Variants in SLC1A7 observed in about 807,000 individuals in gnomAD.
SLC1A7 encodes the protein solute carrier family 1 member 7.
Under a neutral mutation model 47.7 loss-of-function variants are expected in SLC1A7, and 40 were observed. That is an observed-to-expected ratio of 0.84 (90% confidence interval 0.65 to 1.09). The LOEUF (loss-of-function observed/expected upper bound fraction) is 1.09. Ranked by LOEUF, SLC1A7 falls within the 50% of genes least tolerant of loss-of-function variation. The probability of loss-of-function intolerance (pLI) is 0.00; values close to 1 mark genes in which losing one functional copy is unlikely to be tolerated. For missense variants in SLC1A7, 746 were observed against 769.5 expected (o/e 0.97, Z 0.36); for synonymous variants, 323 against 325.6 (o/e 0.99, Z 0.09).
rs569362313 is a variant in SLC1A7, at chr1:53,098,652, G to A, written c.697+4694C>T. ...TCAGTACGTTCACACACACCACCTC[G>A]GTACACTCACTCTGCCTGAGTACAC... On this transcript the variant is annotated intron_variant, in intron 5 of 10. Coordinates refer to ENST00000371494, the MANE Select transcript of SLC1A7 (RefSeq NM_006671.6). Among the ~76,000 whole-genome samples, 13 of 144,130 alleles carry A rather than the reference G, an allele frequency of 9.0e-5. No homozygotes were observed. The South Asian group carries it at 1.1e-3, about 12-fold the overall frequency. The allele number at this position is 144,130 out of a possible 152,430, so 94.6% of individuals were successfully genotyped here.
chr1:53,105,534 C>T (rs1177113741), intron 4 of SLC1A7, among the ~76,000 whole-genome samples, 198 bp downstream of exon 4: 1 of 152,132 alleles, frequency 6.6e-6, no homozygotes, highest in African/African-American at 2.4e-5. Flanking sequence ...AAAACTGGAA[C>T]CCAGGACAGG....
In SLC1A7 at chr1:53,087,914, G is replaced by T. The variant is rs572180806; in HGVS notation, c.*95C>A. 8.0e-6 allele frequency: 5 copies of T among 623,444 alleles called. No individual in the cohort carries two copies. The East Asian group carries it at 1.6e-4, about 20-fold the overall frequency. The allele number at this position is 623,444 out of a possible 1,614,324, so 38.6% of individuals were successfully genotyped here. On this transcript the variant is annotated 3_prime_UTR_variant, in exon 11 of 11. Coordinates refer to ENST00000371494, the MANE Select transcript of SLC1A7 (RefSeq NM_006671.6). Reference sequence around the variant, plus strand: ...AAGGGTGAGAAGAATGTGTGATCCTGGCCCCTGCCGGCTGCTCAGGAGGGT... The same window carrying T: ...AAGGGTGAGAAGAATGTGTGATCCTTGCCCCTGCCGGCTGCTCAGGAGGGT...
intron 6 of SLC1A7, 113 bp downstream of exon 6, chr1:53,093,348 C>A: frequency 2.3e-6 from 2 of 884,568 alleles, no homozygotes; most frequent in Non-Finnish European, 3.5e-6. Context: ...CGGCCCAGGG[C>A]TGAGCCTGGG....
At chr1:53,094,703 G>GTAGACC (rs1348269372) in intron 5 of SLC1A7, among the ~76,000 whole-genome samples, 1 of 152,180 alleles carries the variant, frequency 6.6e-6, no homozygotes, top group African/African-American at 2.4e-5. Flanking sequence ...CCTGGCTGAT[G>GTAGACC]CAGACCCAGA....
chr1:53,088,808 A>T (rs1644387102), intron 10 of SLC1A7, 69 bp downstream of exon 10: 9 of 1,230,636 alleles, frequency 7.3e-6, no homozygotes, highest in Non-Finnish European at 1.1e-5. Context: ...GGTTGGTGGA[A>T]GATCTGGTGC....
chr1:53,134,438 A>G lies in SLC1A7; in HGVS notation c.136-9T>C, dbSNP rs1252183474. ...TGGAAGTAACTAATTTCCTGAAAAC[A>G]CAGTAAGAACTGGGGTTATAGCAAG... On this transcript the variant is annotated splice_polypyrimidine_tract_variant and intron_variant, in intron 1 of 10. Coordinates refer to ENST00000371494, the MANE Select transcript of SLC1A7 (RefSeq NM_006671.6). 6.3e-7 allele frequency: 1 copy of G among 1,592,160 alleles called. No individual in the cohort carries two copies. Among genetic ancestry groups the G allele is most frequent in the Non-Finnish European group, 8.6e-7 (1 of 1,161,306 alleles).
At chr1:53,097,406 A>C (rs1380673311) in intron 5 of SLC1A7, among the ~76,000 whole-genome samples, 8 of 89,222 alleles carry the variant, frequency 9.0e-5, no homozygotes, top group East Asian at 5.7e-4. Context: ...CACTCACACA[A>C]CCCACCTTGG....
intron 3 of SLC1A7, chr1:53,108,303 T>A (rs1644666464): frequency 4.8e-6 from 2 of 414,016 alleles, no homozygotes; most frequent in East Asian, 1.0e-4. Context: ...ACGGAGAACA[T>A]TTGGAAGCTC....
At chr1:53,139,108 G>C (rs59925516) in intron 1 of SLC1A7, among the ~76,000 whole-genome samples, 1 of 152,094 alleles carries the variant, frequency 6.6e-6, no homozygotes, top group African/African-American at 2.4e-5. Flanking sequence ...CTTTCTGCTC[G>C]TATGTAAGTT....
At chr1:53,096,280 G>A (rs1050664283) in intron 5 of SLC1A7, among the ~76,000 whole-genome samples, 10 of 129,134 alleles carry the variant, frequency 7.7e-5, no homozygotes, top group Admixed American at 2.4e-4. Context: ...CACACACACC[G>A]ACTCGGTACA....
intron 2 of SLC1A7, among the ~76,000 whole-genome samples, chr1:53,127,491 G>T (rs12240252): frequency 1.3e-5 from 2 of 152,042 alleles, no homozygotes; most frequent in Non-Finnish European, 2.9e-5. Flanking sequence ...GAGAAGGAAG[G>T]TTCCAGGAGA....
intron 1 of SLC1A7, among the ~76,000 whole-genome samples, chr1:53,137,504 A>G (rs972305747): frequency 7.9e-5 from 12 of 151,740 alleles, no homozygotes; most frequent in African/African-American, 2.9e-4. Flanking sequence ...GTTAGTTCTT[A>G]CTCCCTTTCT....
intron 5 of SLC1A7, among the ~76,000 whole-genome samples, chr1:53,097,501 C>T (rs1644510766): frequency 6.6e-6 from 1 of 151,146 alleles, no homozygotes; most frequent in South Asian, 2.1e-4. Context: ...ACACACCCCA[C>T]CTCGGTACAC....
intron 5 of SLC1A7, chr1:53,102,951 T>TG (rs1644600313): frequency 6.2e-6 from 1 of 161,026 alleles, no homozygotes; most frequent in African/African-American, 2.4e-5. Context: ...CCACAGGCTT[T>TG]GTGGGGTCTG....
chr1:53,094,872 G>A (rs1644467430), intron 5 of SLC1A7, among the ~76,000 whole-genome samples: 1 of 152,208 alleles, frequency 6.6e-6, no homozygotes, highest in Admixed American at 6.5e-5. Flanking sequence ...GCTCCCTCAC[G>A]GCAGGGCCAG....
chr1:53,093,490 C>G lies in SLC1A7; in HGVS notation c.768G>C (p.Ser256=). ...LVSFCQCLNE[S]VMKIVAVAVW... ...CAGCCACCGCCACGATCTTCATGAC[C>G]GACTCATTGAGGCACTGGCAGAAGC... The change falls in exon 6 of 11, where the codon TCG becomes TCC. Residue 256 remains serine, a synonymous_variant. Transcript: ENST00000371494. 6.2e-7 allele frequency: 1 copy of G among 1,611,220 alleles called. No homozygotes were observed. The highest frequency in any genetic ancestry group is 1.1e-5 in the South Asian group (1 of 90,712).
intron 2 of SLC1A7, among the ~76,000 whole-genome samples, chr1:53,122,233 G>C (rs1644834120): frequency 6.6e-6 from 1 of 152,188 alleles, no homozygotes; most frequent in African/African-American, 2.4e-5. Flanking sequence ...GTGGGTTCAA[G>C]CCCTAGTCTG....
intron 3 of SLC1A7, among the ~76,000 whole-genome samples, chr1:53,106,232 T>C (rs753277714): frequency 1.8e-4 from 27 of 152,104 alleles, no homozygotes; most frequent in Non-Finnish European, 4.0e-4. Context: ...GTTGTTCATG[T>C]CCTATCTGTG....
At chr1:53,095,895 G>A (rs1312328637) in intron 5 of SLC1A7, among the ~76,000 whole-genome samples, 5 of 135,752 alleles carry the variant, frequency 3.7e-5, no homozygotes, top group Admixed American at 3.0e-4. Flanking sequence ...ACATCGCCTC[G>A]GTACACTCAC....
Sources: allele counts gnomAD v4.1 joint callset (sites outside exome capture counted in the v4.1 genomes callset), GRCh38; gene constraint gnomAD v4.1.1; transcripts MANE v1.5; gene names NCBI Gene and HGNC (gene_info 2026-07-23, HGNC 2026-07-21).